COG3: variants seen among roughly 807,000 people sequenced by gnomAD.
COG3 encodes component of oligomeric golgi complex 3, also known as conserved oligomeric Golgi complex subunit 3.
In COG3, 32 loss-of-function variants were observed where a neutral mutation model predicts 114.1. The observed-to-expected ratio is 0.28, with a 90% CI of 0.21 to 0.38. The LOEUF (loss-of-function observed/expected upper bound fraction) is 0.38, where lower values mean the gene tolerates loss of function less well. Among genes scored for constraint, COG3 ranks in the 10% least tolerant of loss-of-function variants. COG3 has a pLI of 1.00. For synonymous variants in COG3, 352 were observed against 365.7 expected (o/e 0.96, Z 0.43); for missense variants, 813 against 973.2 (o/e 0.84, Z 2.19).
chr13:45,531,015 A>T (rs1336929512), intron 22 of COG3: 1 of 1,146,448 alleles, frequency 8.7e-7, no homozygotes, highest in African/African-American at 1.6e-5. Context: ...TTCTGATATG[A>T]ATATTGCTGT....
intron 14 of COG3, among the ~76,000 whole-genome samples, chr13:45,508,569 C>T (rs890020894): frequency 6.6e-6 from 1 of 151,964 alleles, no homozygotes; most frequent in African/African-American, 2.4e-5. Flanking sequence ...CAAAAAATAA[C>T]GACATCTTTT....
chr13:45,520,893 C>T (rs1302495386), intron 19 of COG3, among the ~76,000 whole-genome samples: 1 of 152,196 alleles, frequency 6.6e-6, no homozygotes, highest in Non-Finnish European at 1.5e-5. Context: ...AGAACATCCA[C>T]AGTAGTACTG....
rs57033822 is a variant in COG3 at position 45,514,157 on chromosome 13, C to CTTTTTT, written c.1810-1970_1810-1965dup. Among the ~76,000 whole-genome samples, 244 of 93,834 alleles carry CTTTTTT rather than the reference C, an allele frequency of 2.6e-3. 8 individuals are homozygous for CTTTTTT. The highest frequency in any genetic ancestry group is 3.7e-3 in the Non-Finnish European group (188 of 51,112). 61.6% of individuals were successfully genotyped at this position (93,834 alleles called of 152,430 possible). A position where few individuals can be genotyped will look rare whatever the true frequency, so the allele number is the denominator to read the frequency against. The stretch of plus-strand genomic sequence containing the variant: ...GTCCTCTTGTACCACTGTCCTCTCT[C>CTTTTTT]TTTTTTTTTTTTTTTTTTTTTGAGA... On this transcript the variant is annotated intron_variant, in intron 16 of 22. Transcript: ENST00000349995.
chr13:45,478,400 C>CTT (rs1886034622), intron 2 of COG3, among the ~76,000 whole-genome samples: 1 of 151,830 alleles, frequency 6.6e-6, no homozygotes, highest in Non-Finnish European at 1.5e-5. Flanking sequence ...AGGATGGTCT[C>CTT]TATCTCCTGA....
chr13:45,482,117 G>C (rs1886283254), intron 5 of COG3, among the ~76,000 whole-genome samples: 1 of 151,924 alleles, frequency 6.6e-6, no homozygotes. Context: ...TGTATAGTGG[G>C]GTAATATATA....
Position 45,506,203 on chromosome 13 carries a change from T to C in COG3, c.1594+2854T>C, listed in dbSNP as rs543892551. 2.0e-5 allele frequency among the ~76,000 whole-genome samples: 3 copies of C among 152,272 alleles called. No homozygotes were observed. In the South Asian group the frequency reaches 6.2e-4, roughly 32 times the overall value. ...AAAGGATGAGGTGTAGTTGGTGCTT[T>C]GGGCTTGTGTAAGATCATCCTAGGA... On this transcript the variant is annotated intron_variant, in intron 14 of 22. Coordinates refer to ENST00000349995, the MANE Select transcript of COG3 (RefSeq NM_031431.4).
intron 14 of COG3, among the ~76,000 whole-genome samples, chr13:45,506,937 T>G (rs1870218340): frequency 6.6e-6 from 1 of 152,190 alleles, no homozygotes; most frequent in Non-Finnish European, 1.5e-5. Flanking sequence ...TACAGCTTTG[T>G]TCTGTATGTA....
At chr13:45,525,634 G>GTTTTTTTTTTTTTTTTTTTTTTTTTT (rs59577529) in intron 20 of COG3, among the ~76,000 whole-genome samples, 3 of 56,632 alleles carry the variant, frequency 5.3e-5, no homozygotes, top group African/African-American at 1.5e-4. Flanking sequence ...AGGGCTTTGG[G>GTTTTTTTTTTTTTTTTTTTTTTTTTT]TTTTTTTTTT....
In COG3 at chr13:45,535,566, G is replaced by C; in HGVS notation, c.*835G>C. The C allele has an allele frequency of 3.0e-6, 3 of 984,330 alleles. No homozygotes were observed. The South Asian group carries it at 1.4e-4, about 46-fold the overall frequency. The allele number at this position is 984,330 out of a possible 1,614,324, so 61.0% of individuals were successfully genotyped here. On this transcript the variant is annotated 3_prime_UTR_variant, in exon 23 of 23. Coordinates refer to ENST00000349995, the MANE Select transcript of COG3 (RefSeq NM_031431.4). ...AGGAGTAGTGTTCCTCCTGAATGAA[G>C]GTTCAGGTCACCAGCCTTCTGTACA...
At chr13:45,487,392 G>A (rs1366081464) in intron 8 of COG3, among the ~76,000 whole-genome samples, 18 of 152,064 alleles carry the variant, frequency 1.2e-4, no homozygotes, top group Admixed American at 1.2e-3. Context: ...TAGACAAATG[G>A]GACTATAATA....
At chr13:45,518,699 G>A in intron 17 of COG3, 63 bp from the exon 18 acceptor site, 1 of 1,252,040 alleles carries the variant, frequency 8.0e-7, no homozygotes, top group South Asian at 1.3e-5. Flanking sequence ...ACTGGTGTAT[G>A]TTACTCATGG....
intron 1 of COG3, chr13:45,466,526 C>T (rs2137762871): frequency 6.6e-6 from 1 of 152,284 alleles, no homozygotes; most frequent in South Asian, 2.1e-4. Context: ...GGATATGGTA[C>T]CGGAAGTGGA....
rs543047793 is a variant in COG3 at position 45,530,063 on chromosome 13, G to A, written c.2358+145G>A. The A allele has an allele frequency of 1.9e-5, 17 of 918,578 alleles. No homozygotes were observed. In the East Asian group the frequency reaches 2.0e-4, roughly 11 times the overall value. The allele number at this position is 918,578 out of a possible 1,614,324, so 56.9% of individuals were successfully genotyped here. On this transcript the variant is annotated intron_variant, in intron 21 of 22. Coordinates refer to ENST00000349995, the MANE Select transcript of COG3 (RefSeq NM_031431.4). ...TGAATAATCACTATGATTCATGAAA[G>A]GCTTACAAAGTCTGCCTCTGTCTTG...
At chr13:45,492,007 T>G in intron 10 of COG3, 152 bp from the exon 11 acceptor site, 1 of 496,058 alleles carries the variant, frequency 2.0e-6, no homozygotes, top group Non-Finnish European at 3.6e-6. Context: ...TATGCAGTCA[T>G]CTATCGAAAA....
At position 45,491,022 on chromosome 13, in the gene COG3, A is replaced by C. The variant is rs1171558543; in HGVS notation, c.968+64A>C. 2.9e-6 allele frequency: 3 copies of C among 1,048,734 alleles called. No homozygotes were observed. In the East Asian group the frequency reaches 7.4e-5, roughly 26 times the overall value. 65.0% of individuals were successfully genotyped at this position (1,048,734 alleles called of 1,614,324 possible). A position where few individuals can be genotyped will look rare whatever the true frequency, so the allele number is the denominator to read the frequency against. On this transcript the variant is annotated intron_variant, in intron 9 of 22. Transcript: ENST00000349995. ...TTTGTCTTGTAGTACTGTTTTTCCA[A>C]ATCTGGATCTCTGATATTTTATGAG...
chr13:45,465,348 G>A, intron 1 of COG3, 138 bp downstream of exon 1: 1 of 1,356,060 alleles, frequency 7.4e-7, no homozygotes, highest in Non-Finnish European at 9.7e-7. Flanking sequence ...GGATCCGGTG[G>A]GAGGGGCCTC....
At chr13:45,522,207 T>C (rs1049175078) in intron 19 of COG3, among the ~76,000 whole-genome samples, 3 of 152,192 alleles carry the variant, frequency 2.0e-5, no homozygotes, top group Admixed American at 6.5e-5. Context: ...TGGATGTGTG[T>C]TTGTAGGTCT....
At chr13:45,483,433 G>GCCAA in intron 7 of COG3, 78 bp downstream of exon 7, 1 of 1,241,910 alleles carries the variant, frequency 8.1e-7, no homozygotes, top group South Asian at 1.9e-5. Context: ...ATCTTTGGCT[G>GCCAA]AGATTAGTAC....
chr13:45,479,593 C>T (rs1016905634), intron 3 of COG3, among the ~76,000 whole-genome samples: 2 of 152,162 alleles, frequency 1.3e-5, no homozygotes, highest in African/African-American at 4.8e-5. Flanking sequence ...CCCATTTAAT[C>T]TTCGTAACAG....
Sources: allele counts gnomAD v4.1 joint callset (sites outside exome capture counted in the v4.1 genomes callset), GRCh38; gene constraint gnomAD v4.1.1; transcripts MANE v1.5; gene names NCBI Gene and HGNC (gene_info 2026-07-23, HGNC 2026-07-21).